ANKRD44: variants seen among roughly 807,000 people sequenced by gnomAD.
ANKRD44 encodes ankyrin repeat domain 44, also known as serine/threonine-protein phosphatase 6 regulatory ankyrin repeat subunit B.
ANKRD44 carries 35 observed loss-of-function variants against 116.0 expected under a neutral mutation model. That is an observed-to-expected ratio of 0.30 (90% confidence interval 0.23 to 0.40). The LOEUF (loss-of-function observed/expected upper bound fraction) is 0.40, where lower values mean the gene tolerates loss of function less well. ANKRD44 is among the 10% of genes least tolerant of loss of function. The probability of loss-of-function intolerance (pLI) is 1.00; values close to 1 mark genes in which losing one functional copy is unlikely to be tolerated. For missense variants in ANKRD44, 1,014 were observed against 1,242.6 expected (o/e 0.82, Z 2.77); for synonymous variants, 435 against 461.8 (o/e 0.94, Z 0.74).
At chr2:197,120,705 C>G (rs2078831799) in intron 8 of ANKRD44, among the ~76,000 whole-genome samples, 1 of 152,034 alleles carries the variant, frequency 6.6e-6, no homozygotes, top group African/African-American at 2.4e-5. Flanking sequence ...TAAACCCACA[C>G]TGGAGTTGGA....
intron 16 of ANKRD44, among the ~76,000 whole-genome samples, chr2:197,069,506 T>C (rs1015598599): frequency 1.4e-4 from 22 of 152,322 alleles, no homozygotes; most frequent in Admixed American, 1.2e-3. Context: ...TAAAAATCAG[T>C]TGGGCATATT....
chr2:197,090,803 G>A (rs1176547071), intron 10 of ANKRD44, among the ~76,000 whole-genome samples: 1 of 152,164 alleles, frequency 6.6e-6, no homozygotes, highest in African/African-American at 2.4e-5. Flanking sequence ...GAGAGAAGCA[G>A]CTTGATTTGA....
intron 2 of ANKRD44, chr2:197,148,023 G>T: frequency 3.5e-6 from 1 of 284,788 alleles, no homozygotes; most frequent in South Asian, 2.9e-5. Flanking sequence ...AACAGATTGT[G>T]CTGAAAGGCA....
At chr2:197,091,673 T>C (rs2078045951) in intron 10 of ANKRD44, among the ~76,000 whole-genome samples, 1 of 152,238 alleles carries the variant, frequency 6.6e-6, no homozygotes, top group Non-Finnish European at 1.5e-5. Context: ...TTTTATTTCT[T>C]GATTTGATAA....
chr2:197,110,971 G>A, intron 8 of ANKRD44, 127 bp from the exon 9 acceptor site: 1 of 690,860 alleles, frequency 1.4e-6, no homozygotes, highest in Non-Finnish European at 2.6e-6. Context: ...TATTTTTTAA[G>A]TATGATCAAC....
intron 1 of ANKRD44, among the ~76,000 whole-genome samples, chr2:197,289,835 C>T (rs2083510221): frequency 6.6e-6 from 1 of 151,770 alleles, no homozygotes; most frequent in Non-Finnish European, 1.5e-5. Flanking sequence ...GGATGCATGC[C>T]ATTTCATGTA....
At chr2:197,221,181 G>A (rs2081576406) in intron 1 of ANKRD44, among the ~76,000 whole-genome samples, 1 of 151,742 alleles carries the variant, frequency 6.6e-6, no homozygotes, top group South Asian at 2.1e-4. Flanking sequence ...AACCTGGGAG[G>A]TGGAGGTTGC....
At chr2:197,001,051 T>C (rs1012489010) in intron 22 of ANKRD44, among the ~76,000 whole-genome samples, 2 of 151,962 alleles carry the variant, frequency 1.3e-5, no homozygotes, top group Non-Finnish European at 2.9e-5. Flanking sequence ...AAACAAAATA[T>C]AAACAAAATA....
downstream of ANKRD44, among the ~76,000 whole-genome samples, chr2:196,983,406 T>C (rs1053074386): frequency 6.9e-4 from 105 of 152,190 alleles, no homozygotes; most frequent in African/African-American, 2.5e-3. Context: ...TTTCTGTTCC[T>C]AGAACATAAC....
chr2:197,294,337 T>C (rs1445740679), intron 1 of ANKRD44, among the ~76,000 whole-genome samples: 1 of 152,154 alleles, frequency 6.6e-6, no homozygotes, highest in Non-Finnish European at 1.5e-5. Context: ...GTTTCACTTC[T>C]GAGAAAAGTG....
At chr2:197,165,658 G>A (rs1398055444) in intron 2 of ANKRD44, among the ~76,000 whole-genome samples, 2 of 152,156 alleles carry the variant, frequency 1.3e-5, no homozygotes, top group African/African-American at 2.4e-5. Context: ...GAGTTTTCCT[G>A]GGAGCAAACA....
At chr2:196,978,665 A>C (rs1473268496) in intron 21 of ANKRD44, among the ~76,000 whole-genome samples, 1 of 152,236 alleles carries the variant, frequency 6.6e-6, no homozygotes, top group Non-Finnish European at 1.5e-5. Flanking sequence ...GGGGTGATGA[A>C]TATATTCTGA....
At chr2:197,249,919 C>A (rs2082278878) in intron 1 of ANKRD44, among the ~76,000 whole-genome samples, 1 of 152,132 alleles carries the variant, frequency 6.6e-6, no homozygotes, top group Non-Finnish European at 1.5e-5. Flanking sequence ...CTGACTTATT[C>A]CAGAAATCAT....
intron 1 of ANKRD44, among the ~76,000 whole-genome samples, chr2:197,223,923 T>C (rs940260371): frequency 6.6e-6 from 1 of 152,308 alleles, no homozygotes; most frequent in East Asian, 1.9e-4. Context: ...ATTTACTGGA[T>C]GTGAATAATA....
At chr2:197,050,189 C>T (rs1231935846) in intron 16 of ANKRD44, among the ~76,000 whole-genome samples, 2 of 152,028 alleles carry the variant, frequency 1.3e-5, no homozygotes, top group Non-Finnish European at 2.9e-5. Flanking sequence ...GACCAGCTCT[C>T]ATAAGAACAC....
At chr2:197,276,971 A>G (rs1470492354) in intron 1 of ANKRD44, among the ~76,000 whole-genome samples, 2 of 143,642 alleles carry the variant, frequency 1.4e-5, no homozygotes, top group Non-Finnish European at 3.0e-5. Flanking sequence ...TCTGTTGCCC[A>G]GGCTGGAGTA....
At chr2:197,213,113 TCAAGAGTAATTTTGACTCTA>T (rs1427464187) in intron 1 of ANKRD44, among the ~76,000 whole-genome samples, 3 of 152,184 alleles carry the variant, frequency 2.0e-5, no homozygotes, top group African/African-American at 7.2e-5. Flanking sequence ...AAAGAGATTT[TCAAGAGTAATTTTGACTCTA>T]CAAGACTTCT....
intron 1 of ANKRD44, among the ~76,000 whole-genome samples, chr2:197,251,954 T>C (rs188659021): frequency 6.8e-4 from 103 of 152,336 alleles, no homozygotes; most frequent in African/African-American, 2.4e-3. Context: ...AGAGTAATAT[T>C]AACGTTTATG....
chr2:197,085,868 C>T (rs970374070), intron 13 of ANKRD44, among the ~76,000 whole-genome samples: 2 of 152,020 alleles, frequency 1.3e-5, no homozygotes, highest in African/African-American at 4.8e-5. Flanking sequence ...ATACAAGAAC[C>T]CTCTCTTGGG....
Sources: gnomAD v4.1 joint callset for allele counts (sites outside exome capture counted in the v4.1 genomes callset) on GRCh38, gnomAD v4.1.1 for gene constraint, MANE v1.5 for transcripts, NCBI Gene and HGNC (gene_info 2026-07-23, HGNC 2026-07-21) for gene names.